Variants in AHI1 observed in about 807,000 individuals in gnomAD.
The protein encoded by AHI1 is Abelson helper integration site 1, also known as jouberin.
In AHI1, 123 loss-of-function variants were observed where a neutral mutation model predicts 149.3. The ratio of observed to expected loss-of-function variants is 0.82; its 90% CI spans 0.71 to 0.96. AHI1 has a LOEUF of 0.96. AHI1 is among the 40% of genes least tolerant of loss of function. AHI1 has a pLI of 0.00. For synonymous variants in AHI1, 475 were observed against 459.8 expected (o/e 1.03, Z -0.42); for missense variants, 1,439 against 1,422.7 (o/e 1.01, Z -0.18).
intron 24 of AHI1, among the ~76,000 whole-genome samples, chr6:135,340,693 A>G (rs980863167): frequency 7.3e-6 from 1 of 137,608 alleles, no homozygotes; most frequent in Non-Finnish European, 1.5e-5. Context: ...ATATATATAT[A>G]TATGTTTTTG....
At chr6:135,372,719 T>C (rs964776947) in intron 23 of AHI1, among the ~76,000 whole-genome samples, 1 of 152,026 alleles carries the variant, frequency 6.6e-6, no homozygotes, top group African/African-American at 2.4e-5. Context: ...AACAACAAGA[T>C]AACCCTATTT....
chr6:135,380,778 T>C (rs940734721), intron 23 of AHI1, among the ~76,000 whole-genome samples: 2 of 125,684 alleles, frequency 1.6e-5, no homozygotes, highest in African/African-American at 5.9e-5. Context: ...CAAGAAGGGA[T>C]TTAATGGTGG....
intron 18 of AHI1, among the ~76,000 whole-genome samples, chr6:135,428,960 CAA>C (rs929293847): frequency 6.6e-6 from 1 of 151,428 alleles, no homozygotes; most frequent in Non-Finnish European, 1.5e-5. Context: ...TATAATTTAG[CAA>C]GAGAGGAGAA....
At chr6:135,407,311 A>C (rs1780933880) in intron 21 of AHI1, among the ~76,000 whole-genome samples, 1 of 152,210 alleles carries the variant, frequency 6.6e-6, no homozygotes, top group Non-Finnish European at 1.5e-5. Context: ...TACTGAAATA[A>C]ATGGCAAGAA....
intron 24 of AHI1, among the ~76,000 whole-genome samples, chr6:135,327,775 A>G (rs1213184716): frequency 6.6e-6 from 1 of 152,046 alleles, no homozygotes; most frequent in African/African-American, 2.4e-5. Flanking sequence ...GATGTCGCGG[A>G]GCTTCCACAA....
chr6:135,396,671 T>G (rs777687145), intron 22 of AHI1, among the ~76,000 whole-genome samples: 2 of 151,856 alleles, frequency 1.3e-5, no homozygotes, highest in Non-Finnish European at 3.0e-5. Flanking sequence ...ACTATTTAAT[T>G]CACTTCTTTT....
intron 13 of AHI1, among the ~76,000 whole-genome samples, chr6:135,446,055 CAA>C (rs1046241155): frequency 7.2e-6 from 1 of 138,900 alleles, no homozygotes. Flanking sequence ...GTCTCCGTCT[CAA>C]AAAAAAAACA....
intron 19 of AHI1, 107 bp downstream of exon 19, chr6:135,428,522 A>G (rs372104095): frequency 7.6e-7 from 1 of 1,307,226 alleles, no homozygotes. Flanking sequence ...TTGAAAACCC[A>G]AAATCAGAAT....
chr6:135,344,087 T>G (rs1021527671), intron 24 of AHI1, among the ~76,000 whole-genome samples: 1 of 152,008 alleles, frequency 6.6e-6, no homozygotes, highest in African/African-American at 2.4e-5. Context: ...TAAAATAGTA[T>G]TTGCATACAA....
In AHI1 at chr6:135,338,035, C is replaced by T. The variant is rs574872833; in HGVS notation, c.3166-14711G>A. The stretch of plus-strand genomic sequence containing the variant: ...ATCCCTGGCTGGGCGCGGTGGCTCA[C>T]GCCTGTAATCCCAGCACTTTCGGAG... On this transcript the variant is annotated intron_variant, in intron 24 of 28. Coordinates refer to ENST00000265602, the MANE Select transcript of AHI1 (RefSeq NM_001134831.2). 1.8e-3 allele frequency among the ~76,000 whole-genome samples: 276 copies of T among 152,046 alleles called. 1 individual carries two copies. Among genetic ancestry groups the T allele is most frequent in the African/African-American group, 5.8e-3 (240 of 41,486 alleles).
At chr6:135,340,660 T>TAC (rs1161923469) in intron 24 of AHI1, among the ~76,000 whole-genome samples, 1 of 80,670 alleles carries the variant, frequency 1.2e-5, no homozygotes, top group Non-Finnish European at 2.1e-5. Flanking sequence ...CATACATACA[T>TAC]ATATATATAT....
chr6:135,473,590 G>A (rs574677996), intron 5 of AHI1, among the ~76,000 whole-genome samples: 1 of 152,210 alleles, frequency 6.6e-6, no homozygotes, highest in Non-Finnish European at 1.5e-5. Context: ...GAATTTAACA[G>A]ATCATTTGTC....
intron 23 of AHI1, among the ~76,000 whole-genome samples, chr6:135,366,310 T>G (rs1733320390): frequency 6.6e-6 from 1 of 152,162 alleles, no homozygotes; most frequent in South Asian, 2.1e-4. Context: ...TAGAATGATT[T>G]AGGAAAGATT....
chr6:135,410,766 T>C (rs2127971847), intron 21 of AHI1, among the ~76,000 whole-genome samples: 1 of 152,330 alleles, frequency 6.6e-6, no homozygotes, highest in South Asian at 2.1e-4. Context: ...TTTTCTTCTA[T>C]TTTACTGAGA....
intron 23 of AHI1, among the ~76,000 whole-genome samples, chr6:135,380,597 C>T (rs1201149206): frequency 6.6e-6 from 1 of 152,140 alleles, no homozygotes; most frequent in African/African-American, 2.4e-5. Flanking sequence ...GTTTTGTTCA[C>T]TGATACGTTC....
At chr6:135,427,878 T>C (rs181647451) in intron 19 of AHI1, among the ~76,000 whole-genome samples, 2 of 151,596 alleles carry the variant, frequency 1.3e-5, no homozygotes, top group East Asian at 1.9e-4. Context: ...GATTCATTTA[T>C]TGAAGGCGAG....
At position 135,340,823 on chromosome 6, in the gene AHI1, G is replaced by A. The variant is rs185591553; in HGVS notation, c.3165+17309C>T. On this transcript the variant is annotated intron_variant, in intron 24 of 28. Coordinates refer to ENST00000265602, the MANE Select transcript of AHI1 (RefSeq NM_001134831.2). Reference sequence around the variant, plus strand: ...ATTTGTATAAAACCAGCACAAAGGAGGCAGAAGGGAAATGAACTATCTTGG... The same window carrying A: ...ATTTGTATAAAACCAGCACAAAGGAAGCAGAAGGGAAATGAACTATCTTGG... 9.2e-4 allele frequency among the ~76,000 whole-genome samples: 138 copies of A among 150,812 alleles called. 4 individuals are homozygous for A. Among genetic ancestry groups the A allele is most frequent in the Admixed American group, 9.1e-3 (138 of 15,152 alleles).
chr6:135,467,633 G>T lies in AHI1; in HGVS notation c.137C>A (p.Pro46His). 6.3e-7 allele frequency: 1 copy of T among 1,599,370 alleles called. No homozygotes were observed. The highest frequency in any genetic ancestry group is 8.5e-7 in the Non-Finnish European group (1 of 1,170,918). The change falls in exon 6 of 29, where the codon CCT (proline) becomes CAT (histidine). Residue 46 changes from proline to histidine, a missense_variant and splice_region_variant. Transcript: ENST00000265602. ...KLVRSEENIS[P>H]DTIRSNLHYM... The stretch of plus-strand genomic sequence containing the variant: ...GTGAAGATTGCTTCTAATAGTGTCA[G>T]GCTAAAAAGGAAGACATAATAAAGT...
intron 24 of AHI1, among the ~76,000 whole-genome samples, chr6:135,355,727 C>T (rs537571198): frequency 1.7e-3 from 253 of 152,132 alleles, no homozygotes; most frequent in African/African-American, 5.8e-3. Flanking sequence ...GGTGAAACCC[C>T]ATCTCTACTA....
Sources: gnomAD v4.1 joint callset for allele counts (sites outside exome capture counted in the v4.1 genomes callset) on GRCh38, gnomAD v4.1.1 for gene constraint, MANE v1.5 for transcripts, NCBI Gene and HGNC (gene_info 2026-07-23, HGNC 2026-07-21) for gene names.